TTLL2: variants seen among roughly 807,000 people sequenced by gnomAD.
The protein encoded by TTLL2 is probable tubulin polyglutamylase TTLL2.
TTLL2 carries 10 observed loss-of-function variants against 7.5 expected under a neutral mutation model. That is an observed-to-expected ratio of 1.33 (90% confidence interval 0.82 to 2.25). The LOEUF (loss-of-function observed/expected upper bound fraction) is 2.25, where lower values mean the gene tolerates loss of function less well. Ranked by LOEUF, TTLL2 falls within the 30% of genes most tolerant of loss-of-function variation. The pLI is 0.00. For synonymous variants in TTLL2, 284 were observed against 280.3 expected (o/e 1.01, Z -0.13); for missense variants, 733 against 735.7 (o/e 1.00, Z 0.04).
intron 1 of TTLL2, among the ~76,000 whole-genome samples, chr6:167,337,827 A>C (rs1779009629): frequency 6.6e-6 from 1 of 151,814 alleles, no homozygotes. Context: ...CAACATACAC[A>C]CAACACACAG....
chr6:167,328,113 T>C (rs1335169901), intron 1 of TTLL2: 2 of 456,144 alleles, frequency 4.4e-6, no homozygotes, highest in African/African-American at 2.0e-5. Flanking sequence ...GCAGTGAATG[T>C]GCCAAAAAGA....
rs766532683 is a variant in TTLL2 at position 167,341,577 on chromosome 6, T to C, written c.1677T>C (p.Val559=). ...CCCAAGCAGGCAACTTTGTTCTTGT[T>C]TTTCCTTTCAATGAAGCAACTCTCG... ...PDPQAGNFVL[V]FPFNEATLGA... The change falls in exon 3 of 3, where the codon GTT becomes GTC. Residue 559 remains valine, a synonymous_variant. Transcript: ENST00000239587. 10 of 1,614,050 alleles carry C rather than the reference T, an allele frequency of 6.2e-6. No homozygotes were observed. Among genetic ancestry groups the C allele is most frequent in the Non-Finnish European group, 8.5e-7 (1 of 1,180,048 alleles).
intron 1 of TTLL2, among the ~76,000 whole-genome samples, chr6:167,328,656 C>T (rs1778876974): frequency 6.6e-6 from 1 of 152,164 alleles, no homozygotes; most frequent in Admixed American, 6.5e-5. Flanking sequence ...ATTTTCCTTC[C>T]AGATGAGGAC....
In TTLL2 at chr6:167,340,319, C is replaced by T. The variant is rs200616376; in HGVS notation, c.419C>T (p.Pro140Leu). 688 of 1,614,122 alleles carry T rather than the reference C, an allele frequency of 4.3e-4. 2 individuals carry two copies. Among genetic ancestry groups the T allele is most frequent in the Non-Finnish European group, 5.4e-4 (642 of 1,180,030 alleles). ...ATGACCGAACACAACAGTGTTAAAC[C>T]GTGGCAGCAGCTAAACCACCACCCT... The part of the protein sequence containing the change: ...FRMTEHNSVK[P>L]WQQLNHHPGT... Residue 140 changes from proline to leucine, a missense_variant, in exon 3 of 3, where the codon CCG becomes CTG. Coordinates refer to ENST00000239587, the MANE Select transcript of TTLL2 (RefSeq NM_031949.5).
At position 167,340,156 on chromosome 6, in the gene TTLL2, C is replaced by A; in HGVS notation, c.256C>A (p.Pro86Thr). ...TGAACCTTCAGGGGCCCTCTTGAAG[C>A]CGCTGGTTTTTCGCGTTGACGAGAC... ...EDEPSGALLK[P>T]LVFRVDETTP... Residue 86 changes from proline (P) to threonine (T), a missense_variant, in exon 3 of 3, where the codon CCG (proline) becomes ACG (threonine). Coordinates refer to ENST00000239587, the MANE Select transcript of TTLL2 (RefSeq NM_031949.5). The A allele has an allele frequency of 6.2e-7, 1 of 1,605,972 alleles. No individual in the cohort carries two copies. The highest frequency in any genetic ancestry group is 8.5e-7 in the Non-Finnish European group (1 of 1,176,614).
chr6:167,329,972 C>T (rs539026361), intron 1 of TTLL2, among the ~76,000 whole-genome samples: 1 of 152,148 alleles, frequency 6.6e-6, no homozygotes, highest in Admixed American at 6.5e-5. Flanking sequence ...GATACACACA[C>T]ATGTACATGC....
chr6:167,326,970 G>T (rs1285652372), intron 1 of TTLL2, among the ~76,000 whole-genome samples: 1 of 152,116 alleles, frequency 6.6e-6, no homozygotes, highest in Non-Finnish European at 1.5e-5. Flanking sequence ...TGTGGCTTAT[G>T]CTTTTTCCCC....
In TTLL2 at chr6:167,341,316, G is replaced by A. The variant is rs746113397; in HGVS notation, c.1416G>A (p.Val472=). 6.2e-7 allele frequency: 1 copy of A among 1,613,694 alleles called. No individual in the cohort carries two copies. Among genetic ancestry groups the A allele is most frequent in the Non-Finnish European group, 8.5e-7 (1 of 1,179,952 alleles). ...SRMYNEDDSV[V]EKAVSVRPEA... Reference sequence around the variant, plus strand: ...TGTACAACGAGGATGACTCTGTGGTGGAGAAAGCTGTGAGTGTGCGTCCTG... The same window carrying A: ...TGTACAACGAGGATGACTCTGTGGTAGAGAAAGCTGTGAGTGTGCGTCCTG... The change falls in exon 3 of 3, where the codon GTG becomes GTA. Residue 472 remains valine (V), a synonymous_variant. Coordinates refer to ENST00000239587, the MANE Select transcript of TTLL2 (RefSeq NM_031949.5).
rs571204169 is a variant in TTLL2, at chr6:167,340,423, T to A, written c.523T>A (p.Tyr175Asn). The change falls in exon 3 of 3, where the codon TAC becomes AAC. Residue 175 changes from tyrosine to asparagine, a missense_variant. Transcript: ENST00000239587. ...HMRRMYGTSL[Y>N]QFIPLTFVMP... The stretch of plus-strand genomic sequence containing the variant: ...GAGGAGGATGTATGGCACTTCCCTG[T>A]ACCAGTTCATCCCCCTGACGTTCGT... 17 of 1,614,176 alleles carry A rather than the reference T, an allele frequency of 1.1e-5. No individual in the cohort carries two copies. Among genetic ancestry groups the A allele is most frequent in the Non-Finnish European group, 1.4e-5 (16 of 1,180,030 alleles).
Position 167,341,435 on chromosome 6 carries a change from G to A in TTLL2, c.1535G>A (p.Arg512Gln), listed in dbSNP as rs201031662. 36 of 1,613,964 alleles carry A rather than the reference G, an allele frequency of 2.2e-5. No individual in the cohort carries two copies. The Admixed American group carries it at 4.8e-4, about 22-fold the overall frequency. Residue 512 changes from arginine to glutamine, a missense_variant, in exon 3 of 3, where the codon CGG becomes CAG. By Grantham distance (43) the Arg-to-Gln change is conservative (BLOSUM62 1). Coordinates refer to ENST00000239587, the MANE Select transcript of TTLL2 (RefSeq NM_031949.5). ...REMPQSKPKLRSRHTPHKTLM... is the reference protein window; with the variant it reads ...REMPQSKPKLQSRHTPHKTLM... ...ATGCCACAAAGCAAGCCCAAGTTACGGAGCAGGCACACGCCTCACAAGACA... is the reference window on the plus strand; with the variant it reads ...ATGCCACAAAGCAAGCCCAAGTTACAGAGCAGGCACACGCCTCACAAGACA...
chr6:167,340,632 C>A lies in TTLL2; in HGVS notation c.732C>A (p.Ser244=), dbSNP rs750894624. 2 of 1,614,146 alleles carry A rather than the reference C, an allele frequency of 1.2e-6. No homozygotes were observed. ...DDMYIVQKYI[S]NPLLIGRYKC... is the part of the protein sequence containing the mutation. ...TGTACATAGTGCAGAAATATATCTC[C>A]AATCCTTTACTTATTGGCAGATATA... The change falls in exon 3 of 3, where the codon TCC becomes TCA. Residue 244 remains serine, a synonymous_variant. Coordinates refer to ENST00000239587, the MANE Select transcript of TTLL2 (RefSeq NM_031949.5).
At chr6:167,331,544 T>C (rs1020583673) in intron 1 of TTLL2, among the ~76,000 whole-genome samples, 1 of 152,216 alleles carries the variant, frequency 6.6e-6, no homozygotes, top group Admixed American at 6.5e-5. Flanking sequence ...TTTCATTTTA[T>C]GTAATGTTCT....
At chr6:167,339,136 C>A (rs977234530) in intron 2 of TTLL2, among the ~76,000 whole-genome samples, 1 of 104,108 alleles carries the variant, frequency 9.6e-6, no homozygotes, top group African/African-American at 3.1e-5. Context: ...TTATATCAAT[C>A]AGAAATTTTC....
In TTLL2 at chr6:167,326,166, G is replaced by A. The variant is rs145267000; in HGVS notation, c.47+946G>A. 2.3e-3 allele frequency among the ~76,000 whole-genome samples: 355 copies of A among 152,208 alleles called. 3 individuals are homozygous for A. Among genetic ancestry groups the A allele is most frequent in the African/African-American group, 7.3e-3 (302 of 41,500 alleles). ...GAAATGAGGCTACTCTGGGTGTCTT[G>A]GGGCTGAGCGTACACATGGGACTTG... On this transcript the variant is annotated intron_variant, in intron 1 of 2. Coordinates refer to ENST00000239587, the MANE Select transcript of TTLL2 (RefSeq NM_031949.5).
At chr6:167,336,119 T>C (rs561041072) in intron 1 of TTLL2, among the ~76,000 whole-genome samples, 6 of 152,204 alleles carry the variant, frequency 3.9e-5, no homozygotes, top group Admixed American at 2.0e-4. Context: ...ACAGGTGCCG[T>C]TGCCTCTTGG....
At chr6:167,328,673 C>T (rs1236653129) in intron 1 of TTLL2, among the ~76,000 whole-genome samples, 1 of 152,152 alleles carries the variant, frequency 6.6e-6, no homozygotes, top group Non-Finnish European at 1.5e-5. Context: ...GGACTCTGAC[C>T]TTAGAAGTTT....
At position 167,341,227 on chromosome 6, in the gene TTLL2, G is replaced by C. The variant is rs368696277; in HGVS notation, c.1327G>C (p.Asp443His). 1 of 1,613,716 alleles carries C rather than the reference G, an allele frequency of 6.2e-7. No homozygotes were observed. ...TTCCAACATCGACGCTGCAAAAAGTGACAGAGGTGGGCTTGATGCTCCTGA... is the reference window on the plus strand; with the variant it reads ...TTCCAACATCGACGCTGCAAAAAGTCACAGAGGTGGGCTTGATGCTCCTGA... The part of the protein sequence containing the change: ...GNSNIDAAKS[D>H]RGGLDAPDCL... The change falls in exon 3 of 3, where the codon GAC (aspartate) becomes CAC (histidine). Residue 443 changes from aspartate (D) to histidine (H), a missense_variant. By Grantham distance (81) the Asp-to-His change is moderately conservative. Transcript: ENST00000239587.
In TTLL2 at chr6:167,341,487, G is replaced by T. The variant is rs12528714; in HGVS notation, c.1587G>T (p.Gln529His). ...KTLMPYASLF[Q>H]SHSCKTKTSP... ...TCATGCCCTACGCGTCCCTCTTCCA[G>T]TCGCACTCCTGCAAGACCAAGACCT... Residue 529 changes from glutamine to histidine, a missense_variant, in exon 3 of 3, where the codon CAG becomes CAT. Gln to His is a conservative substitution (Grantham distance 24). Transcript: ENST00000239587. 0.028 allele frequency: 45,159 copies of T among 1,614,076 alleles called. 1,329 individuals carry two copies. The highest frequency in any genetic ancestry group is 0.15 in the Admixed American group (8,782 of 60,028).
At chr6:167,338,520 T>C in intron 1 of TTLL2, 127 bp from the exon 2 acceptor site, 1 of 1,270,384 alleles carries the variant, frequency 7.9e-7, no homozygotes, top group Non-Finnish European at 1.1e-6. Flanking sequence ...TTGAAAGCAT[T>C]ACTGCAAACT....
Sources: allele counts gnomAD v4.1 joint callset (sites outside exome capture counted in the v4.1 genomes callset), GRCh38; gene constraint gnomAD v4.1.1; transcripts MANE v1.5; gene names NCBI Gene and HGNC (gene_info 2026-07-23, HGNC 2026-07-21).